The following DZIP3 variants were observed in gnomAD, a reference collection of about 807,000 sequenced individuals.
The protein encoded by DZIP3 is E3 ubiquitin-protein ligase DZIP3.
A neutral mutation model predicts 162.0 loss-of-function variants in DZIP3; 118 were observed. The ratio of observed to expected loss-of-function variants is 0.73; its 90% confidence interval spans 0.63 to 0.85. The LOEUF (loss-of-function observed/expected upper bound fraction) is 0.85. Ranked by LOEUF, DZIP3 falls within the 40% of genes least tolerant of loss-of-function variation. The pLI is 0.00. For synonymous variants in DZIP3, 438 were observed against 458.6 expected, an observed-to-expected ratio of 0.96 and a Z score of 0.57; for missense variants, 1,331 against 1,407.0, an observed-to-expected ratio of 0.95 and a Z score of 0.86.
At chr3:108,656,862 A>C (rs1406613323) in intron 19 of DZIP3, among the ~76,000 whole-genome samples, 2 of 152,230 alleles carry the variant, frequency 1.3e-5, no homozygotes, top group Non-Finnish European at 2.9e-5. Context: ...TCAGTAGCCG[A>C]TTCACTCAAC....
At chr3:108,660,417 G>A (rs2107289455) in intron 19 of DZIP3, among the ~76,000 whole-genome samples, 1 of 152,212 alleles carries the variant, frequency 6.6e-6, no homozygotes, top group African/African-American at 2.4e-5. Flanking sequence ...AATGGTGCTG[G>A]GAAAACTGGC....
At chr3:108,609,701 TGTG>T (rs1307546249) in intron 3 of DZIP3, among the ~76,000 whole-genome samples, 1 of 151,992 alleles carries the variant, frequency 6.6e-6, no homozygotes, top group Non-Finnish European at 1.5e-5. Context: ...ATTAGCTGGG[TGTG>T]GTGGTGCATG....
intron 2 of DZIP3, among the ~76,000 whole-genome samples, chr3:108,605,819 TTTG>T (rs1415487297): frequency 6.6e-6 from 1 of 152,210 alleles, no homozygotes; most frequent in Non-Finnish European, 1.5e-5. Flanking sequence ...ACCAGCTGCA[TTTG>T]TTGTATTCCT....
At chr3:108,591,989 A>G (rs560840805) in intron 1 of DZIP3, among the ~76,000 whole-genome samples, 1 of 152,040 alleles carries the variant, frequency 6.6e-6, no homozygotes, top group South Asian at 2.1e-4. Context: ...AAAAAAAAAA[A>G]AAAAAAAAGA....
intron 5 of DZIP3, among the ~76,000 whole-genome samples, chr3:108,618,637 C>A (rs1941147409): frequency 6.6e-6 from 1 of 152,138 alleles, no homozygotes; most frequent in Non-Finnish European, 1.5e-5. Context: ...CCATCAAGAA[C>A]AAACACACGT....
At chr3:108,621,195 A>G (rs1941317956) in intron 5 of DZIP3, among the ~76,000 whole-genome samples, 1 of 152,202 alleles carries the variant, frequency 6.6e-6, no homozygotes, top group African/African-American at 2.4e-5. Flanking sequence ...TGTTCTTGAT[A>G]CCTAAAATAT....
chr3:108,630,375 A>C (rs1296260935), intron 8 of DZIP3, among the ~76,000 whole-genome samples: 3 of 152,152 alleles, frequency 2.0e-5, no homozygotes, highest in African/African-American at 7.2e-5. Context: ...TTTTATTAAA[A>C]TATAAAATTC....
intron 18 of DZIP3, among the ~76,000 whole-genome samples, chr3:108,652,651 C>T (rs1942916307): frequency 6.6e-6 from 1 of 151,848 alleles, no homozygotes; most frequent in African/African-American, 2.4e-5. Context: ...ATACAATACT[C>T]ACCTCTCATT....
At chr3:108,600,201 GTC>G (rs1388119798) in intron 1 of DZIP3, among the ~76,000 whole-genome samples, 2 of 152,134 alleles carry the variant, frequency 1.3e-5, no homozygotes, top group African/African-American at 4.8e-5. Context: ...CAGTGTCAGA[GTC>G]TGCTTGTTAA....
rs117386882 is a variant in DZIP3, at chr3:108,645,987, C to T, written c.1760-630C>T. On this transcript the variant is annotated intron_variant, in intron 14 of 32. Transcript: ENST00000361582. The stretch of plus-strand genomic sequence containing the variant: ...CAAAGCATTTTAAGCAGTTCTTACT[C>T]AAGTACACTGAAGAGCTTATTGGTC... Among the ~76,000 whole-genome samples, 240 of 152,282 alleles carry T rather than the reference C, an allele frequency of 1.6e-3. 3 individuals are homozygous for T. The East Asian group carries it at 0.038, about 24-fold the overall frequency.
chr3:108,638,635 T>C (rs1232823735), intron 12 of DZIP3, among the ~76,000 whole-genome samples: 2 of 152,074 alleles, frequency 1.3e-5, no homozygotes, highest in Non-Finnish European at 2.9e-5. Context: ...TTTTAAAATA[T>C]AAATTTCTTC....
At chr3:108,686,422 CT>C in intron 27 of DZIP3, 22 bp from the exon 28 acceptor site, 1 of 1,537,764 alleles carries the variant, frequency 6.5e-7, no homozygotes. Context: ...ACCTGCTGGG[CT>C]ATAGCTCTCT....
intron 9 of DZIP3, 54 bp downstream of exon 9, chr3:108,633,126 A>G (rs182757805): frequency 6.2e-5 from 54 of 874,436 alleles, no homozygotes; most frequent in Admixed American, 5.8e-4. Context: ...AAAATTATAT[A>G]TAACTATATA....
intron 21 of DZIP3, 24 bp from the exon 22 acceptor site, chr3:108,669,657 T>G (rs2107339997): frequency 6.2e-7 from 1 of 1,606,538 alleles, no homozygotes; most frequent in Non-Finnish European, 8.5e-7. Context: ...TAACATCTTT[T>G]GACTTTCTTG....
rs777400027 is a variant in DZIP3 at position 108,677,497 on chromosome 3, A to G, written c.2782A>G (p.Thr928Ala). Residue 928 changes from threonine to alanine, a missense_variant and splice_region_variant, in exon 26 of 33, where the codon ACA becomes GCA. Physicochemically the swap from Thr to Ala is moderately conservative, Grantham distance 58 (BLOSUM62 0). Transcript: ENST00000361582. ...DVRNKIAFLR[T>A]QYNEQINKVK... is the part of the protein sequence containing the mutation. ...AGTATTTTTAGTCTTCTTCTACCAG[A>G]CACAGTACAATGAACAAATAAACAA... 1.2e-6 allele frequency: 2 copies of G among 1,612,228 alleles called. No homozygotes were observed. Among genetic ancestry groups the G allele is most frequent in the Middle Eastern group, 1.7e-4 (1 of 6,038 alleles).
intron 26 of DZIP3, among the ~76,000 whole-genome samples, chr3:108,683,956 G>A (rs917881307): frequency 8.5e-5 from 13 of 152,250 alleles, no homozygotes; most frequent in Admixed American, 4.6e-4. Flanking sequence ...ATTCAGCTAC[G>A]TAGAGAGAAA....
At chr3:108,599,958 A>C (rs1235276961) in intron 1 of DZIP3, among the ~76,000 whole-genome samples, 2 of 152,212 alleles carry the variant, frequency 1.3e-5, no homozygotes, top group Non-Finnish European at 2.9e-5. Context: ...CAGTCATTTC[A>C]AAAGCCACAA....
chr3:108,660,159 A>T (rs1384972829), intron 19 of DZIP3, among the ~76,000 whole-genome samples: 1 of 152,208 alleles, frequency 6.6e-6, no homozygotes, highest in African/African-American at 2.4e-5. Context: ...ATATGGAACC[A>T]AAAAAGAGCC....
In DZIP3 at chr3:108,662,114, AT is replaced by A; in HGVS notation, c.2296-10del. 1.3e-6 allele frequency: 2 copies of A among 1,580,556 alleles called. No individual in the cohort carries two copies. The highest frequency in any genetic ancestry group is 1.7e-6 in the Non-Finnish European group (2 of 1,169,116). Reference sequence around the variant, plus strand: ...CTTGAACATAATTATCTGAAATAATATTTTTTATTGATCAGGATTTCAAAAG... The same window carrying A: ...CTTGAACATAATTATCTGAAATAATATTTTTATTGATCAGGATTTCAAAAG... On this transcript the variant is annotated splice_polypyrimidine_tract_variant and intron_variant, in intron 20 of 32. Transcript: ENST00000361582.
Sources: allele counts gnomAD v4.1 joint callset (sites outside exome capture counted in the v4.1 genomes callset), GRCh38; gene constraint gnomAD v4.1.1; transcripts MANE v1.5; gene names NCBI Gene and HGNC (gene_info 2026-07-23, HGNC 2026-07-21).